LRRK1: variants seen among roughly 807,000 people sequenced by gnomAD.
LRRK1 encodes the protein leucine rich repeat kinase 1.
Under a neutral mutation model 209.1 loss-of-function variants are expected in LRRK1, and 113 were observed. The observed-to-expected ratio is 0.54, with a 90% CI of 0.46 to 0.63. The LOEUF (loss-of-function observed/expected upper bound fraction) is 0.63, where lower values mean the gene tolerates loss of function less well. LRRK1 is among the 30% of genes least tolerant of loss of function. LRRK1 has a pLI of 0.00. For synonymous variants in LRRK1, 1,144 were observed against 1,099.7 expected (o/e 1.04, Z -0.80); for missense variants, 2,284 against 2,632.2 (o/e 0.87, Z 2.89).
At chr15:101,004,674 C>T (rs1420061543) in intron 6 of LRRK1, among the ~76,000 whole-genome samples, 1 of 152,158 alleles carries the variant, frequency 6.6e-6, no homozygotes, top group African/African-American at 2.4e-5. Flanking sequence ...AAAAAGTGCT[C>T]ACCTCCACTG....
Position 101,052,922 on chromosome 15 carries a change from G to T in LRRK1, c.3690G>T (p.Arg1230Ser). 6.2e-7 allele frequency: 1 copy of T among 1,603,610 alleles called. No homozygotes were observed. The highest frequency in any genetic ancestry group is 8.5e-7 in the Non-Finnish European group (1 of 1,172,034). ...PELFMTDFPA[R>S]LFLENSKLEH... ...GGCTGATGCCGGGCGTGTGTGGCAG[G>T]CTCTTCCTGGAGAACAGCAAGCTGG... The change falls in exon 25 of 34, where the codon AGG becomes AGT. Residue 1230 changes from arginine (R) to serine (S), a missense_variant and splice_region_variant. Coordinates refer to ENST00000388948, the MANE Select transcript of LRRK1 (RefSeq NM_024652.6).
At chr15:101,067,019 G>A (rs769294888) in intron 33 of LRRK1, among the ~76,000 whole-genome samples, 5 of 152,226 alleles carry the variant, frequency 3.3e-5, no homozygotes, top group Admixed American at 6.5e-5. Flanking sequence ...TCCAGGGCCA[G>A]AGTTCAGCTG....
chr15:101,008,270 A>G (rs1181444832), intron 6 of LRRK1, among the ~76,000 whole-genome samples: 3 of 151,148 alleles, frequency 2.0e-5, no homozygotes, highest in Non-Finnish European at 4.4e-5. Context: ...GTCGTGGGCC[A>G]GAGTTCTGTT....
chr15:101,038,996 A>G (rs942024540), intron 20 of LRRK1, among the ~76,000 whole-genome samples: 2 of 152,218 alleles, frequency 1.3e-5, no homozygotes, highest in African/African-American at 4.8e-5. Context: ...TAAGGTAACA[A>G]TCACAGTTCT....
intron 12 of LRRK1, among the ~76,000 whole-genome samples, chr15:101,019,908 G>T (rs2033699463): frequency 6.6e-6 from 1 of 152,110 alleles, no homozygotes; most frequent in South Asian, 2.1e-4. Flanking sequence ...CAAATGCTCT[G>T]GTGCCCGTGG....
At chr15:100,954,509 A>G (rs2042715596) in intron 2 of LRRK1, among the ~76,000 whole-genome samples, 1 of 151,912 alleles carries the variant, frequency 6.6e-6, no homozygotes, top group Admixed American at 6.6e-5. Flanking sequence ...ATGTAATCCC[A>G]TTTGTTTATT....
intron 2 of LRRK1, among the ~76,000 whole-genome samples, chr15:100,944,550 A>G (rs2042501946): frequency 6.6e-6 from 1 of 152,188 alleles, no homozygotes; most frequent in African/African-American, 2.4e-5. Context: ...AAATCCTCAC[A>G]TGATAGACAC....
intron 26 of LRRK1, 108 bp from the exon 27 acceptor site, chr15:101,054,836 CAT>C (rs2035700046): frequency 2.0e-6 from 2 of 990,768 alleles, no homozygotes; most frequent in Non-Finnish European, 3.0e-6. Context: ...GAAAAAAAAT[CAT>C]AAAGTATCTA....
intron 2 of LRRK1, among the ~76,000 whole-genome samples, chr15:100,954,202 C>T (rs1404609350): frequency 6.6e-6 from 1 of 152,166 alleles, no homozygotes; most frequent in East Asian, 1.9e-4. Flanking sequence ...GTGTGAGTCA[C>T]CGTGCCCGGC....
At chr15:101,038,664 T>C (rs2034600253) in intron 20 of LRRK1, among the ~76,000 whole-genome samples, 1 of 152,240 alleles carries the variant, frequency 6.6e-6, no homozygotes, top group African/African-American at 2.4e-5. Flanking sequence ...CTTAGGTATT[T>C]CCTGTCACTT....
At chr15:100,930,473 C>A (rs2042192050) in intron 2 of LRRK1, among the ~76,000 whole-genome samples, 1 of 152,186 alleles carries the variant, frequency 6.6e-6, no homozygotes, top group South Asian at 2.1e-4. Flanking sequence ...CCTAGGTGGC[C>A]CAAGCCTGAA....
At chr15:101,053,562 G>T in intron 26 of LRRK1, 142 bp downstream of exon 26, 2 of 728,064 alleles carry the variant, frequency 2.7e-6, no homozygotes, top group South Asian at 3.7e-5. Flanking sequence ...CCATCCCCTG[G>T]CTGCGAGGCC....
intron 2 of LRRK1, among the ~76,000 whole-genome samples, chr15:100,952,758 A>G (rs1337033016): frequency 6.6e-6 from 1 of 152,190 alleles, no homozygotes; most frequent in Non-Finnish European, 1.5e-5. Flanking sequence ...AATCATTCCC[A>G]TCAGTGATTT....
intron 6 of LRRK1, among the ~76,000 whole-genome samples, chr15:100,991,140 C>G (rs893435886): frequency 6.6e-6 from 1 of 152,206 alleles, no homozygotes; most frequent in African/African-American, 2.4e-5. Context: ...GCATTTTCCC[C>G]AGTACCTATA....
At chr15:101,039,290 G>T (rs1030121024) in intron 20 of LRRK1, among the ~76,000 whole-genome samples, 2 of 152,096 alleles carry the variant, frequency 1.3e-5, no homozygotes, top group East Asian at 1.9e-4. Context: ...TTCTCTCCAC[G>T]GTGGTTTGTT....
chr15:100,922,789 A>G (rs932606995), intron 1 of LRRK1, among the ~76,000 whole-genome samples: 2 of 151,752 alleles, frequency 1.3e-5, no homozygotes, highest in African/African-American at 4.9e-5. Context: ...CCCAACTTCA[A>G]ACACAGGTGT....
rs144755626 is a variant in LRRK1, at chr15:101,006,424, C to T, written c.763-2413C>T. Among the ~76,000 whole-genome samples the T allele has an allele frequency of 2.3e-3, 347 of 149,528 alleles. 2 individuals are homozygous for T. Among genetic ancestry groups the T allele is most frequent in the African/African-American group, 7.7e-3 (313 of 40,412 alleles). ...GCATTAAAAGGTGTGAAGACTCTTC[C>T]AGATGAAAGAAAAGTAAAGAAACAT... On this transcript the variant is annotated intron_variant, in intron 6 of 33. Transcript: ENST00000388948.
chr15:100,975,777 C>G (rs1229254425), intron 3 of LRRK1, among the ~76,000 whole-genome samples: 2 of 152,062 alleles, frequency 1.3e-5, no homozygotes, highest in Admixed American at 6.5e-5. Flanking sequence ...TTCAAAAGGG[C>G]AGCAGGACAT....
chr15:101,037,385 C>G (rs1203848723), intron 20 of LRRK1, among the ~76,000 whole-genome samples: 1 of 152,144 alleles, frequency 6.6e-6, no homozygotes, highest in Non-Finnish European at 1.5e-5. Context: ...GTGGACTGAA[C>G]CACTGAGCTG....
Sources: allele counts gnomAD v4.1 joint callset (sites outside exome capture counted in the v4.1 genomes callset), GRCh38; gene constraint gnomAD v4.1.1; transcripts MANE v1.5; gene names NCBI Gene and HGNC (gene_info 2026-07-23, HGNC 2026-07-21).